The following COMMD10 variants were observed in gnomAD, a reference collection of about 807,000 sequenced individuals.
COMMD10 encodes COMM domain containing 10.
COMMD10 carries 33 observed loss-of-function variants against 28.9 expected under a neutral mutation model. The observed-to-expected ratio is 1.14, with a 90% CI of 0.87 to 1.53. The LOEUF (loss-of-function observed/expected upper bound fraction) is 1.53. Ranked by LOEUF, COMMD10 falls within the 40% of genes most tolerant of loss-of-function variation. COMMD10 has a pLI of 0.00. For missense variants in COMMD10, 310 were observed against 233.4 expected (o/e 1.33, Z -2.14); for synonymous variants, 110 against 81.7 (o/e 1.35, Z -1.87).
intron 5 of COMMD10, among the ~76,000 whole-genome samples, chr5:116,252,313 A>G (rs1448261288): frequency 1.4e-5 from 2 of 142,080 alleles, no homozygotes; most frequent in African/African-American, 2.7e-5. Flanking sequence ...ATTAGATCCC[A>G]TTTGTCAATT....
At chr5:116,192,106 A>G (rs1748386402) in intron 5 of COMMD10, among the ~76,000 whole-genome samples, 1 of 152,104 alleles carries the variant, frequency 6.6e-6, no homozygotes, top group East Asian at 1.9e-4. Flanking sequence ...TCCATAGGAA[A>G]ATGGAGAGAG....
intron 5 of COMMD10, among the ~76,000 whole-genome samples, chr5:116,268,516 G>C (rs1243619343): frequency 6.6e-6 from 1 of 151,964 alleles, no homozygotes; most frequent in African/African-American, 2.4e-5. Flanking sequence ...CTGTAAACTA[G>C]TTCAACCATT....
intron 4 of COMMD10, 127 bp downstream of exon 4, chr5:116,092,827 C>T (rs1266306853): frequency 1.8e-5 from 10 of 562,894 alleles, no homozygotes; most frequent in Non-Finnish European, 2.3e-5. Flanking sequence ...CACAGATGCT[C>T]CTCAACTTAC....
intron 5 of COMMD10, among the ~76,000 whole-genome samples, chr5:116,224,056 C>T (rs1261039543): frequency 1.3e-5 from 2 of 152,054 alleles, no homozygotes; most frequent in African/African-American, 2.4e-5. Context: ...TTCCATTTTC[C>T]ACTTCCATCT....
intron 4 of COMMD10, among the ~76,000 whole-genome samples, chr5:116,127,635 A>G (rs1407481886): frequency 6.6e-6 from 1 of 152,242 alleles, no homozygotes; most frequent in Non-Finnish European, 1.5e-5. Context: ...AGAGACATGG[A>G]TGAAGCTAGA....
chr5:116,232,661 C>G lies in COMMD10; in HGVS notation c.511-58856C>G, dbSNP rs376656115. Among the ~76,000 whole-genome samples the G allele has an allele frequency of 2.1e-3, 312 of 151,330 alleles. 2 individuals carry two copies. The highest frequency in any genetic ancestry group is 7.1e-3 in the African/African-American group (294 of 41,428). ...GAGGTTGCAGTGAGCCAGGATCACA[C>G]CACTGCACTCCAGCCTGGGCAACAG... is the stretch of plus-strand genomic sequence containing the variant. On this transcript the variant is annotated intron_variant, in intron 5 of 6. Coordinates refer to ENST00000274458, the MANE Select transcript of COMMD10 (RefSeq NM_016144.4).
intron 5 of COMMD10, among the ~76,000 whole-genome samples, chr5:116,285,778 T>A (rs1416893057): frequency 6.6e-6 from 1 of 151,826 alleles, no homozygotes; most frequent in Non-Finnish European, 1.5e-5. Context: ...TTTGCTAGTG[T>A]TTTGTTGAGG....
At chr5:116,257,592 A>T (rs1373091753) in intron 5 of COMMD10, among the ~76,000 whole-genome samples, 1 of 151,734 alleles carries the variant, frequency 6.6e-6, no homozygotes, top group African/African-American at 2.4e-5. Context: ...TTAGACCCTT[A>T]GAATTTTTCT....
chr5:116,263,478 TC>T (rs1750503649), intron 5 of COMMD10, among the ~76,000 whole-genome samples: 1 of 151,788 alleles, frequency 6.6e-6, no homozygotes, highest in South Asian at 2.1e-4. Flanking sequence ...TTATAGAGAA[TC>T]CCCTTTCCTC....
At chr5:116,088,882 C>T (rs989882691) in intron 2 of COMMD10, among the ~76,000 whole-genome samples, 5 of 152,160 alleles carry the variant, frequency 3.3e-5, no homozygotes, top group African/African-American at 1.2e-4. Context: ...ATGTGTCTTC[C>T]TCTGGTTTTA....
chr5:116,251,336 C>T (rs1247395943), intron 5 of COMMD10, among the ~76,000 whole-genome samples: 1 of 148,332 alleles, frequency 6.7e-6, no homozygotes, highest in African/African-American at 2.5e-5. Flanking sequence ...TACATGTGCA[C>T]ATTGTGCAGG....
At chr5:116,156,844 G>A (rs188636628) in intron 5 of COMMD10, among the ~76,000 whole-genome samples, 30 of 152,230 alleles carry the variant, frequency 2.0e-4, no homozygotes, top group African/African-American at 7.0e-4. Flanking sequence ...GATGAGAAGA[G>A]TTGTATTTTC....
chr5:116,117,462 TTTTG>T (rs1751278691), intron 4 of COMMD10, among the ~76,000 whole-genome samples: 1 of 152,110 alleles, frequency 6.6e-6, no homozygotes, highest in Non-Finnish European at 1.5e-5. Context: ...AGTCATTCTT[TTTTG>T]TTTGTTTGTT....
chr5:116,154,097 C>A (rs1374142166), intron 5 of COMMD10, among the ~76,000 whole-genome samples: 1 of 152,018 alleles, frequency 6.6e-6, no homozygotes, highest in Non-Finnish European at 1.5e-5. Context: ...TCTGAGGGGA[C>A]CTGAGTTCCC....
At chr5:116,234,426 C>A (rs1038296283) in intron 5 of COMMD10, among the ~76,000 whole-genome samples, 1 of 152,042 alleles carries the variant, frequency 6.6e-6, no homozygotes, top group African/African-American at 2.4e-5. Context: ...AGCACAAGGT[C>A]ACATGGACAG....
At chr5:116,234,346 G>A (rs1038620039) in intron 5 of COMMD10, among the ~76,000 whole-genome samples, 1 of 152,092 alleles carries the variant, frequency 6.6e-6, no homozygotes, top group Admixed American at 6.5e-5. Context: ...ATCGAAAGCT[G>A]CCTGTTTAAA....
chr5:116,130,202 T>C (rs7704903), intron 4 of COMMD10, among the ~76,000 whole-genome samples: 124,410 of 151,682 alleles, frequency 0.82, 51,176 homozygotes, highest in African/African-American at 0.84. Flanking sequence ...TAGAATGTGC[T>C]TACTGTATGC....
chr5:116,146,065 T>A (rs928856963), intron 5 of COMMD10, among the ~76,000 whole-genome samples: 1 of 151,902 alleles, frequency 6.6e-6, no homozygotes, highest in African/African-American at 2.4e-5. Context: ...GACTTTTAAT[T>A]TGAGTCTTGA....
At chr5:116,093,664 A>C (rs568022821) in intron 4 of COMMD10, among the ~76,000 whole-genome samples, 1 of 152,300 alleles carries the variant, frequency 6.6e-6, no homozygotes, top group Non-Finnish European at 1.5e-5. Flanking sequence ...TCCCTGTTAG[A>C]AACAGAATAA....
Sources: allele counts gnomAD v4.1 joint callset (sites outside exome capture counted in the v4.1 genomes callset), GRCh38; gene constraint gnomAD v4.1.1; transcripts MANE v1.5; gene names NCBI Gene and HGNC (gene_info 2026-07-23, HGNC 2026-07-21).